Variants in INPP4B observed in about 807,000 individuals in gnomAD.
INPP4B encodes inositol polyphosphate-4-phosphatase type II B.
In INPP4B, 55 loss-of-function variants were observed where a neutral mutation model predicts 122.5. The ratio of observed to expected loss-of-function variants is 0.45; its 90% CI spans 0.36 to 0.56. The LOEUF (loss-of-function observed/expected upper bound fraction) is 0.56. INPP4B is among the 20% of genes least tolerant of loss of function. The pLI is 0.00. For synonymous variants in INPP4B, 403 were observed against 388.7 expected (o/e 1.04, Z -0.43); for missense variants, 1,000 against 1,097.7 (o/e 0.91, Z 1.26).
chr4:142,030,156 A>T, intron 25 of INPP4B: 1 of 1,535,468 alleles, frequency 6.5e-7, no homozygotes, highest in Non-Finnish European at 8.7e-7. Flanking sequence ...GAGTAACGCC[A>T]GACTTAAAAT....
chr4:142,769,366 C>A (rs1005599192), intron 1 of INPP4B, among the ~76,000 whole-genome samples: 1 of 152,128 alleles, frequency 6.6e-6, no homozygotes, highest in African/African-American at 2.4e-5. Flanking sequence ...AGGCACTTTG[C>A]AGGATTTTTC....
Position 142,106,596 on chromosome 4 carries a change from ATTGTT to A in INPP4B, c.2374+1492_2374+1496del, listed in dbSNP as rs1462427830. ...CTATACATATTTCTTTAGCAATATG[ATTGTT>A]TTAAGTATAGCACTGAAAGTCCTCA... is the stretch of plus-strand genomic sequence containing the variant. On this transcript the variant is annotated intron_variant, in intron 23 of 25. Transcript: ENST00000262992. 1.2e-4 allele frequency among the ~76,000 whole-genome samples: 18 copies of A among 152,306 alleles called. 1 individual carries two copies. The South Asian group carries it at 3.1e-3, about 26-fold the overall frequency.
At chr4:142,525,774 A>G (rs1826826198) in intron 2 of INPP4B, among the ~76,000 whole-genome samples, 1 of 143,378 alleles carries the variant, frequency 7.0e-6, no homozygotes, top group South Asian at 2.4e-4. Flanking sequence ...TAGACCTAAA[A>G]CCATAAAAAC....
chr4:142,246,022 A>C (rs1333159430), intron 11 of INPP4B, among the ~76,000 whole-genome samples: 2 of 140,356 alleles, frequency 1.4e-5, no homozygotes, highest in African/African-American at 2.8e-5. Flanking sequence ...ACATGTGTGT[A>C]TGTACACACA....
chr4:142,071,226 G>T (rs1207773799), intron 25 of INPP4B, among the ~76,000 whole-genome samples: 1 of 152,106 alleles, frequency 6.6e-6, no homozygotes, highest in African/African-American at 2.4e-5. Context: ...ACAAAAACAA[G>T]AAATAGGGAA....
chr4:142,816,606 A>G (rs1484420715), intron 1 of INPP4B, among the ~76,000 whole-genome samples: 1 of 152,122 alleles, frequency 6.6e-6, no homozygotes, highest in Non-Finnish European at 1.5e-5. Context: ...ACTTCTTTAG[A>G]AAGTTGTGCA....
chr4:142,261,985 C>G (rs527241486), intron 10 of INPP4B, among the ~76,000 whole-genome samples: 2 of 152,146 alleles, frequency 1.3e-5, no homozygotes, highest in South Asian at 4.2e-4. Context: ...TCTGACCACC[C>G]CGAAGTCAGA....
At chr4:142,629,487 A>G (rs1362532658) in intron 2 of INPP4B, among the ~76,000 whole-genome samples, 2 of 151,970 alleles carry the variant, frequency 1.3e-5, no homozygotes, top group South Asian at 2.1e-4. Flanking sequence ...AGGAAACCCT[A>G]GAGTGCGTGA....
At chr4:142,049,123 G>A (rs1009091311) in intron 25 of INPP4B, among the ~76,000 whole-genome samples, 8 of 152,040 alleles carry the variant, frequency 5.3e-5, no homozygotes, top group Admixed American at 1.3e-4. Flanking sequence ...TATAGCACAC[G>A]TTACCAGAAA....
chr4:142,547,095 A>G (rs1011975464), intron 2 of INPP4B, among the ~76,000 whole-genome samples: 2 of 149,366 alleles, frequency 1.3e-5, no homozygotes, highest in Admixed American at 6.7e-5. Context: ...ATAGCAATAC[A>G]TATGTTGTTT....
intron 23 of INPP4B, 81 bp from the exon 24 acceptor site, chr4:142,086,337 T>C: frequency 1.3e-6 from 1 of 769,690 alleles, no homozygotes; most frequent in Non-Finnish European, 2.2e-6. Context: ...TTTCAATACA[T>C]TTATTTGCAA....
At position 142,207,793 on chromosome 4, in the gene INPP4B, T is replaced by C. The variant is rs192697008; in HGVS notation, c.1072+632A>G. Among the ~76,000 whole-genome samples, 27 of 152,248 alleles carry C rather than the reference T, an allele frequency of 1.8e-4. No individual in the cohort carries two copies. The East Asian group carries it at 5.2e-3, about 29-fold the overall frequency. On this transcript the variant is annotated intron_variant, in intron 14 of 25. Coordinates refer to ENST00000262992, the MANE Select transcript of INPP4B (RefSeq NM_001101669.3). Reference sequence around the variant, plus strand: ...CATGAAAAAGCGAGATGAAAAGACATTGGAAAACACTTTTTTGATAAATGG... The same window carrying C: ...CATGAAAAAGCGAGATGAAAAGACACTGGAAAACACTTTTTTGATAAATGG...
intron 17 of INPP4B, among the ~76,000 whole-genome samples, chr4:142,156,705 C>T (rs1817402410): frequency 6.6e-6 from 1 of 151,948 alleles, no homozygotes; most frequent in Non-Finnish European, 1.5e-5. Context: ...ATTCATATGC[C>T]ATCAATTTTG....
chr4:142,757,389 T>G (rs903817004), intron 1 of INPP4B, among the ~76,000 whole-genome samples: 4 of 152,158 alleles, frequency 2.6e-5, no homozygotes, highest in African/African-American at 9.7e-5. Flanking sequence ...ATTGCAATAT[T>G]GTACAGAATA....
intron 1 of INPP4B, among the ~76,000 whole-genome samples, chr4:142,754,193 T>C (rs1770157094): frequency 6.6e-6 from 1 of 152,052 alleles, no homozygotes; most frequent in Non-Finnish European, 1.5e-5. Context: ...AATAATTCCA[T>C]GGATTCTCAA....
intron 2 of INPP4B, among the ~76,000 whole-genome samples, chr4:142,699,575 C>A (rs1429257174): frequency 6.6e-6 from 1 of 152,148 alleles, no homozygotes; most frequent in East Asian, 1.9e-4. Context: ...TGATCTTTAT[C>A]TTCAATGGCA....
chr4:142,766,954 C>T (rs2150987791), intron 1 of INPP4B: 1 of 152,212 alleles, frequency 6.6e-6, no homozygotes, highest in Middle Eastern at 3.4e-3. Context: ...GTAAGAGCAG[C>T]CACTTTAACT....
At chr4:142,241,937 T>G (rs1350272868) in intron 11 of INPP4B, among the ~76,000 whole-genome samples, 1 of 152,212 alleles carries the variant, frequency 6.6e-6, no homozygotes, top group East Asian at 1.9e-4. Context: ...AAGCAGCATA[T>G]TTAAATGAAT....
chr4:142,456,358 C>T (rs1815417807), intron 3 of INPP4B, among the ~76,000 whole-genome samples: 3 of 151,984 alleles, frequency 2.0e-5, no homozygotes, highest in African/African-American at 7.2e-5. Context: ...CATTTATCTG[C>T]TTATGAATAT....
Sources: allele counts gnomAD v4.1 joint callset (sites outside exome capture counted in the v4.1 genomes callset), GRCh38; gene constraint gnomAD v4.1.1; transcripts MANE v1.5; gene names NCBI Gene and HGNC (gene_info 2026-07-23, HGNC 2026-07-21).